Variants in TDRD6 observed in about 807,000 individuals in gnomAD.
TDRD6 encodes the protein tudor domain-containing protein 6.
Under a neutral mutation model 157.5 loss-of-function variants are expected in TDRD6, and 186 were observed. The observed-to-expected ratio is 1.18, with a 90% CI of 1.05 to 1.33. TDRD6 has a LOEUF of 1.33. Ranked by LOEUF, TDRD6 falls within the 40% of genes most tolerant of loss-of-function variation. The pLI is 0.00. For missense variants in TDRD6, 3,066 were observed against 2,508.0 expected (o/e 1.22, Z -4.75); for synonymous variants, 1,075 against 945.2 (o/e 1.14, Z -2.52).
At position 46,693,053 on chromosome 6, in the gene TDRD6, C is replaced by T; in HGVS notation, c.4925C>T (p.Ser1642Leu). ...TGTTGCCTCTCAGGGTTTAACATTT[C>T]AGAAGGATTATGTTCTCAAGAGGGA... ...FPCCLSGFNI[S>L]EGLCSQEGND... Residue 1642 changes from serine (S) to leucine (L), a missense_variant, in exon 1 of 4, where the codon TCA becomes TTA. Transcript: ENST00000316081. 2 of 1,613,702 alleles carry T rather than the reference C, an allele frequency of 1.2e-6. No individual in the cohort carries two copies. Among genetic ancestry groups the T allele is most frequent in the Non-Finnish European group, 1.7e-6 (2 of 1,179,902 alleles).
chr6:46,698,093 G>C lies in TDRD6; in HGVS notation c.6261+6G>C. On this transcript the variant is annotated splice_donor_region_variant and intron_variant, in intron 3 of 3. Transcript: ENST00000316081. Reference sequence around the variant, plus strand: ...TGGATAAGAGTCCACCTGAGGTATGGAATTCTATAAATAGTAATTAGTGAG... The same window carrying C: ...TGGATAAGAGTCCACCTGAGGTATGCAATTCTATAAATAGTAATTAGTGAG... 6.3e-7 allele frequency: 1 copy of C among 1,578,788 alleles called. No homozygotes were observed. Among genetic ancestry groups the C allele is most frequent in the Non-Finnish European group, 8.7e-7 (1 of 1,151,248 alleles).
rs553633867 is a variant in TDRD6, at chr6:46,691,028, A to G, written c.2900A>G (p.Glu967Gly). Residue 967 changes from glutamate (E) to glycine (G), a missense_variant, in exon 1 of 4, where the codon GAG (glutamate) becomes GGG (glycine). Transcript: ENST00000316081. ...ARPVKLQKPLESSVQLHSYFY... is the reference protein window; with the variant it reads ...ARPVKLQKPLGSSVQLHSYFY... ...CCAGTAAAACTTCAGAAGCCTTTGG[A>G]GTCCTCTGTTCAGCTACATTCCTAC... The G allele has an allele frequency of 1.2e-6, 2 of 1,613,784 alleles. No homozygotes were observed. Among genetic ancestry groups the G allele is most frequent in the Admixed American group, 1.7e-5 (1 of 59,928 alleles).
chr6:46,697,954 T>A (rs1473387154), intron 2 of TDRD6, 44 bp from the exon 3 acceptor site: 1 of 1,145,554 alleles, frequency 8.7e-7, no homozygotes, highest in Non-Finnish European at 1.3e-6. Flanking sequence ...AATCAGTTAT[T>A]TTTTTGAATT....
intron 2 of TDRD6, among the ~76,000 whole-genome samples, 186 bp downstream of exon 2, chr6:46,696,131 C>T (rs1480779634): frequency 6.6e-6 from 1 of 152,038 alleles, no homozygotes; most frequent in Non-Finnish European, 1.5e-5. Context: ...AGAAATCATC[C>T]TAGGCTGTAT....
At chr6:46,684,288 T>C (rs1168133001), upstream of TDRD6, among the ~76,000 whole-genome samples, 1 of 152,172 alleles carries the variant, frequency 6.6e-6, no homozygotes, top group African/African-American at 2.4e-5. Context: ...ATGACTGTTG[T>C]ACACAATCAA....
At chr6:46,698,683 G>A (rs140733190) in intron 3 of TDRD6, among the ~76,000 whole-genome samples, 15 of 152,272 alleles carry the variant, frequency 9.9e-5, no homozygotes, top group African/African-American at 3.6e-4. Flanking sequence ...TTAATATCTG[G>A]TCATCTTGGG....
At chr6:46,687,730 G>A, upstream of TDRD6, 1 of 182,238 alleles carries the variant, frequency 5.5e-6, no homozygotes, top group African/African-American at 2.4e-5. Context: ...GGCGCTCTGA[G>A]GAGATGCAGG....
At chr6:46,695,743 G>T (rs1471703224) in intron 1 of TDRD6, 78 bp from the exon 2 acceptor site, 34 of 1,409,858 alleles carry the variant, frequency 2.4e-5, no homozygotes, top group Non-Finnish European at 3.0e-5. Flanking sequence ...ATGCAGATTA[G>T]GAAAATGCTT....
At position 46,692,293 on chromosome 6, in the gene TDRD6, G is replaced by A. The variant is rs1414137382; in HGVS notation, c.4165G>A (p.Asp1389Asn). 6.2e-7 allele frequency: 1 copy of A among 1,614,118 alleles called. No homozygotes were observed. The highest frequency in any genetic ancestry group is 2.2e-5 in the East Asian group (1 of 44,874). The change falls in exon 1 of 4, where the codon GAT becomes AAT. Residue 1389 changes from aspartate (D) to asparagine (N), a missense_variant. Physicochemically the swap from Asp to Asn is conservative, Grantham distance 23 (BLOSUM62 1). Coordinates refer to ENST00000316081, the MANE Select transcript of TDRD6 (RefSeq NM_001010870.3). The part of the protein sequence containing the change: ...PNDLLSVQFI[D>N]YGNVSVVHTN... ...TGACCTTCTCTCTGTGCAGTTTATA[G>A]ATTATGGCAATGTTTCTGTGGTTCA...
chr6:46,688,125 C>G lies in TDRD6; in HGVS notation c.-4C>G. On this transcript the variant is annotated 5_prime_UTR_variant, in exon 1 of 4. Transcript: ENST00000316081. Reference sequence around the variant, plus strand: ...GGAAGTGGGGGCCGCGCCGCGCCGTCAAGATGTGCTCGACGCCCGGAATGC... The same window carrying G: ...GGAAGTGGGGGCCGCGCCGCGCCGTGAAGATGTGCTCGACGCCCGGAATGC... 6.6e-7 allele frequency: 1 copy of G among 1,525,512 alleles called. No individual in the cohort carries two copies. Among genetic ancestry groups the G allele is most frequent in the South Asian group, 1.2e-5 (1 of 83,174 alleles). 94.5% of individuals were successfully genotyped at this position (1,525,512 alleles called of 1,614,324 possible). A position where few individuals can be genotyped will look rare whatever the true frequency, so the allele number is the denominator to read the frequency against.
At chr6:46,681,359 C>T in the TDRD6 span, among the ~76,000 whole-genome samples, 1 of 152,246 alleles carries the variant, frequency 6.6e-6, no homozygotes. Flanking sequence ...ATATAATTGA[C>T]TAACAGTTAA....
chr6:46,701,742 T>A, intron 3 of TDRD6, 116 bp from the exon 4 acceptor site: 1 of 900,292 alleles, frequency 1.1e-6, no homozygotes, highest in Non-Finnish European at 1.8e-6. Flanking sequence ...AGAATACTCA[T>A]CTGTCCCCTC....
At chr6:46,683,269 A>G (rs895799842), upstream of TDRD6, among the ~76,000 whole-genome samples, 5 of 152,174 alleles carry the variant, frequency 3.3e-5, no homozygotes, top group Middle Eastern at 6.8e-3. Context: ...CATATATAAA[A>G]ATAAAATCCT....
chr6:46,696,547 A>G (rs7453252), intron 2 of TDRD6, among the ~76,000 whole-genome samples: 16 of 25,570 alleles, frequency 6.3e-4, no homozygotes, highest in African/African-American at 3.7e-3. Context: ...ATATATATGT[A>G]TATATGTGTG....
intron 3 of TDRD6, among the ~76,000 whole-genome samples, chr6:46,699,488 A>C (rs922175322): frequency 1.3e-5 from 2 of 152,088 alleles, no homozygotes; most frequent in Non-Finnish European, 2.9e-5. Context: ...AATAAACATA[A>C]CACCACAATA....
In TDRD6 at chr6:46,690,989, A is replaced by G. The variant is rs1238890231; in HGVS notation, c.2861A>G (p.Lys954Arg). Reference protein sequence around the residue: ...FQSACHFLVEKRLARPVKLQK... With the variant: ...FQSACHFLVERRLARPVKLQK... The stretch of plus-strand genomic sequence containing the variant: ...AGTGCATGCCATTTCTTGGTAGAAA[A>G]GAGACTTGCAAGACCAGTAAAACTT... Residue 954 changes from lysine (K) to arginine (R), a missense_variant, in exon 1 of 4, where the codon AAG becomes AGG. Lys to Arg is a conservative substitution (Grantham distance 26). Transcript: ENST00000316081. The G allele has an allele frequency of 6.2e-7, 1 of 1,614,092 alleles. No individual in the cohort carries two copies. The highest frequency in any genetic ancestry group is 1.7e-5 in the Admixed American group (1 of 60,016).
chr6:46,693,942 G>C lies in TDRD6; in HGVS notation c.5814G>C (p.Glu1938Asp). ...AAGCACAGGAATCCATGTGTACTGA[G>C]GACATGAGAAAGTCAAGTTGTGTAG... ...SQKAQESMCT[E>D]DMRKSSCVES... is the part of the protein sequence containing the mutation. Residue 1938 changes from glutamate to aspartate, a missense_variant, in exon 1 of 4, where the codon GAG (glutamate) becomes GAC (aspartate). Glu to Asp is a conservative substitution (Grantham distance 45). Coordinates refer to ENST00000316081, the MANE Select transcript of TDRD6 (RefSeq NM_001010870.3). The C allele has an allele frequency of 6.2e-7, 1 of 1,613,954 alleles. No individual in the cohort carries two copies. The highest frequency in any genetic ancestry group is 8.5e-7 in the Non-Finnish European group (1 of 1,179,946).
Position 46,688,853 on chromosome 6 carries a change from T to A in TDRD6, c.725T>A (p.Phe242Tyr), listed in dbSNP as rs1292520109. ...CAAAAGCAGCCTGGTCTGGATTACT[T>A]CTATCCCCAGCTGCAGCTGGGCGTG... The part of the protein sequence containing the change: ...LKQKQPGLDY[F>Y]YPQLQLGVTE... The change falls in exon 1 of 4, where the codon TTC becomes TAC. Residue 242 changes from phenylalanine (F) to tyrosine (Y), a missense_variant. By Grantham distance (22) the Phe-to-Tyr change is conservative. Transcript: ENST00000316081. The A allele has an allele frequency of 6.2e-7, 1 of 1,611,514 alleles. No homozygotes were observed. Among genetic ancestry groups the A allele is most frequent in the Admixed American group, 1.7e-5 (1 of 59,860 alleles).
At chr6:46,682,394 G>A in the TDRD6 span, among the ~76,000 whole-genome samples, 1 of 151,850 alleles carries the variant, frequency 6.6e-6, no homozygotes, top group African/African-American at 2.4e-5. Flanking sequence ...AGCTAACATC[G>A]TATTTGTGAA....
Sources: gnomAD v4.1 joint callset for allele counts (sites outside exome capture counted in the v4.1 genomes callset) on GRCh38, gnomAD v4.1.1 for gene constraint, MANE v1.5 for transcripts, NCBI Gene and HGNC (gene_info 2026-07-23, HGNC 2026-07-21) for gene names.